The following RCAN3 variants were observed in gnomAD, a reference collection of about 807,000 sequenced individuals.
The protein encoded by RCAN3 is regulator of calcineurin 3.
RCAN3 carries 19 observed loss-of-function variants against 21.9 expected under a neutral mutation model. That is an observed-to-expected ratio of 0.87 (90% confidence interval 0.61 to 1.27). RCAN3 has a LOEUF of 1.27. Ranked by LOEUF, RCAN3 falls within the 50% of genes most tolerant of loss-of-function variation. The pLI is 0.00. For synonymous variants in RCAN3, 114 were observed against 112.3 expected (o/e 1.01, Z -0.09); for missense variants, 240 against 300.1 (o/e 0.80, Z 1.48).
chr1:24,520,432 C>T lies in RCAN3; in HGVS notation c.195+5865C>T, dbSNP rs562851896. Among the ~76,000 whole-genome samples, 208 of 152,170 alleles carry T rather than the reference C, an allele frequency of 1.4e-3. 5 individuals are homozygous for T. The highest frequency in any genetic ancestry group is 6.9e-3 in the Admixed American group (105 of 15,260). On this transcript the variant is annotated intron_variant, in intron 2 of 4. Transcript: ENST00000374395. Reference sequence around the variant, plus strand: ...AGGCACAAATAAAGGGGAAGACATCCGTATCTATGGACTGGAAAACTTAAT... The same window carrying T: ...AGGCACAAATAAAGGGGAAGACATCTGTATCTATGGACTGGAAAACTTAAT...
Position 24,539,368 on chromosome 1 carries a change from A to G in RCAN3, c.*4091A>G, listed in dbSNP as rs750870922. On this transcript the variant is annotated 3_prime_UTR_variant, in exon 5 of 5. Coordinates refer to ENST00000374395, the MANE Select transcript of RCAN3 (RefSeq NM_013441.4). ...ATGAATTTGATGTCCCATGTTTTGT[A>G]GTTTTGTTATCATTGAACCATTGGG... 4 of 152,122 alleles carry G rather than the reference A, an allele frequency of 2.6e-5. No individual in the cohort carries two copies. Among genetic ancestry groups the G allele is most frequent in the Non-Finnish European group, 5.9e-5 (4 of 68,016 alleles). The allele number at this position is 152,122 out of a possible 1,614,324, so 9.4% of individuals were successfully genotyped here.
chr1:24,504,323 G>A, intron 1 of RCAN3, among the ~76,000 whole-genome samples: 1 of 152,088 alleles, frequency 6.6e-6, no homozygotes, highest in Non-Finnish European at 1.5e-5. Flanking sequence ...TGAGTAGCTG[G>A]GACTACAGAT....
At chr1:24,526,617 A>G (rs916597505) in intron 2 of RCAN3, among the ~76,000 whole-genome samples, 4 of 152,228 alleles carry the variant, frequency 2.6e-5, no homozygotes, top group Non-Finnish European at 4.4e-5. Flanking sequence ...GGGATAATAC[A>G]TGAGCCTTTT....
At chr1:24,514,260 G>A in intron 1 of RCAN3, 54 bp from the exon 2 acceptor site, 2 of 851,186 alleles carry the variant, frequency 2.3e-6, no homozygotes, top group Non-Finnish European at 3.5e-6. Context: ...TGATTGATTG[G>A]AACATTATTT....
chr1:24,520,350 C>T (rs1330900258), intron 2 of RCAN3, among the ~76,000 whole-genome samples: 1 of 152,102 alleles, frequency 6.6e-6, no homozygotes, highest in Non-Finnish European at 1.5e-5. Context: ...GTATTTTATA[C>T]AGTGGGTTTA....
intron 3 of RCAN3, 117 bp from the exon 4 acceptor site, chr1:24,532,966 A>G (rs1649900400): frequency 1.4e-6 from 1 of 703,482 alleles, no homozygotes; most frequent in Non-Finnish European, 1.9e-6. Flanking sequence ...AAAAAAAAAA[A>G]AAAAAAAAAG....
At chr1:24,503,680 T>C (rs1426405870) in intron 1 of RCAN3, among the ~76,000 whole-genome samples, 2 of 152,238 alleles carry the variant, frequency 1.3e-5, no homozygotes, top group African/African-American at 4.8e-5. Context: ...TTCTTCTAGC[T>C]TCCGTGCAAA....
At chr1:24,526,768 G>C (rs1033550416) in intron 2 of RCAN3, among the ~76,000 whole-genome samples, 1 of 151,944 alleles carries the variant, frequency 6.6e-6, no homozygotes, top group African/African-American at 2.4e-5. Flanking sequence ...AGGAATTTTA[G>C]TATTTTCTTA....
chr1:24,531,154 G>A (rs551552971), intron 2 of RCAN3, 64 bp from the exon 3 acceptor site: 2 of 1,173,512 alleles, frequency 1.7e-6, no homozygotes, highest in East Asian at 4.9e-5. Flanking sequence ...TTCCCCTTCT[G>A]TTAAAGGTTT....
In RCAN3 at chr1:24,510,590, A is replaced by C. The variant is rs558655914; in HGVS notation, c.-59-3724A>C. On this transcript the variant is annotated intron_variant, in intron 1 of 4. Coordinates refer to ENST00000374395, the MANE Select transcript of RCAN3 (RefSeq NM_013441.4). ...GAAGAGAGTTAGGGCCTTGCTCTGG[A>C]TTAGACTTTGGTTTAAGGGAATGTT... Among the ~76,000 whole-genome samples, 81 of 152,258 alleles carry C rather than the reference A, an allele frequency of 5.3e-4. No individual in the cohort carries two copies. The South Asian group carries it at 0.016, about 30-fold the overall frequency.
intron 1 of RCAN3, among the ~76,000 whole-genome samples, chr1:24,513,340 G>C (rs555246656): frequency 6.6e-6 from 1 of 152,184 alleles, no homozygotes; most frequent in South Asian, 2.1e-4. Context: ...CTGAGCTGAA[G>C]TGATCCTTTG....
intron 2 of RCAN3, among the ~76,000 whole-genome samples, chr1:24,516,986 G>A (rs1294248324): frequency 6.6e-6 from 1 of 151,690 alleles, no homozygotes; most frequent in South Asian, 2.1e-4. Flanking sequence ...TAACCTTGTT[G>A]TTTATTGTTG....
At chr1:24,508,543 G>A (rs1217679587) in intron 1 of RCAN3, among the ~76,000 whole-genome samples, 3 of 152,200 alleles carry the variant, frequency 2.0e-5, no homozygotes, top group Admixed American at 2.0e-4. Flanking sequence ...AAAAAAGATA[G>A]AGCTGGTGAG....
In RCAN3 at chr1:24,540,743, G is replaced by T. The variant is rs1213064508; in HGVS notation, c.*5466G>T. 1 of 152,024 alleles carries T rather than the reference G, an allele frequency of 6.6e-6. No homozygotes were observed. The highest frequency in any genetic ancestry group is 1.5e-5 in the Non-Finnish European group (1 of 68,008). 9.4% of individuals were successfully genotyped at this position (152,024 alleles called of 1,614,324 possible). A position where few individuals can be genotyped will look rare whatever the true frequency, so the allele number is the denominator to read the frequency against. On this transcript the variant is annotated 3_prime_UTR_variant, in exon 5 of 5. Coordinates refer to ENST00000374395, the MANE Select transcript of RCAN3 (RefSeq NM_013441.4). ...TTTGTGATCTTCTGTTATATTTTGG[G>T]GCATGTTACCTTTATGGTATATAAG...
intron 2 of RCAN3, among the ~76,000 whole-genome samples, chr1:24,517,066 A>T (rs1179835017): frequency 6.6e-5 from 10 of 150,396 alleles, no homozygotes; most frequent in Admixed American, 6.0e-4. Flanking sequence ...GAAACGTCAC[A>T]ATCTTTTCTA....
chr1:24,508,585 A>C (rs1363870632), intron 1 of RCAN3, among the ~76,000 whole-genome samples: 3 of 152,226 alleles, frequency 2.0e-5, no homozygotes, highest in Admixed American at 1.3e-4. Context: ...AAGACCCAGA[A>C]GGCAGGGACA....
intron 1 of RCAN3, chr1:24,507,668 C>T (rs1647544498): frequency 6.6e-6 from 1 of 152,272 alleles, no homozygotes; most frequent in South Asian, 2.1e-4. Context: ...TACACTGTCA[C>T]TCCCTGCCCC....
At position 24,533,176 on chromosome 1, in the gene RCAN3, G is replaced by A. The variant is rs760454730; in HGVS notation, c.463G>A (p.Val155Met). ...FLISPPASPP[V>M]GWKQSEDAMP... ...CATCTCCCCTCCAGCCTCTCCCCCG[G>A]TGGGGTGGAAGCAGAGCGAAGATGC... Residue 155 changes from valine (V) to methionine (M), a missense_variant, in exon 4 of 5, where the codon GTG becomes ATG. Transcript: ENST00000374395. 1.2e-6 allele frequency: 2 copies of A among 1,607,312 alleles called. No individual in the cohort carries two copies. Among genetic ancestry groups the A allele is most frequent in the African/African-American group, 2.7e-5 (2 of 74,606 alleles).
chr1:24,535,414 T>C lies in RCAN3; in HGVS notation c.*137T>C, dbSNP rs980971393. On this transcript the variant is annotated 3_prime_UTR_variant, in exon 5 of 5. Coordinates refer to ENST00000374395, the MANE Select transcript of RCAN3 (RefSeq NM_013441.4). ...GGTATAGGTCTTCTCACCACGCCTG[T>C]ACTGCAGACACGGTCGTGTAGAGTA... The C allele has an allele frequency of 2.4e-5, 21 of 874,862 alleles. No homozygotes were observed. In the African/African-American group the frequency reaches 2.8e-4, roughly 12 times the overall value. The allele number at this position is 874,862 out of a possible 1,614,324, so 54.2% of individuals were successfully genotyped here.
Sources: gnomAD v4.1 joint callset for allele counts (sites outside exome capture counted in the v4.1 genomes callset) on GRCh38, gnomAD v4.1.1 for gene constraint, MANE v1.5 for transcripts, NCBI Gene and HGNC (gene_info 2026-07-23, HGNC 2026-07-21) for gene names.